The following ZBP1 variants were observed in gnomAD, a reference collection of about 807,000 sequenced individuals.
ZBP1 encodes the protein Z-DNA binding protein 1, also known as Z-DNA-binding protein 1.
In ZBP1, 42 loss-of-function variants were observed where a neutral mutation model predicts 41.1. That is an observed-to-expected ratio of 1.02 (90% CI 0.80 to 1.32). The LOEUF (loss-of-function observed/expected upper bound fraction) is 1.32. ZBP1 is among the 40% of genes most tolerant of loss of function. The probability of loss-of-function intolerance (pLI) is 0.00; values close to 1 mark genes in which losing one functional copy is unlikely to be tolerated. For synonymous variants in ZBP1, 214 were observed against 205.2 expected (o/e 1.04, Z -0.37); for missense variants, 562 against 549.7 (o/e 1.02, Z -0.22).
At chr20:57,616,060 C>A (rs983138869) in intron 2 of ZBP1, 184 bp downstream of exon 2, 7 of 640,606 alleles carry the variant, frequency 1.1e-5, no homozygotes, top group Middle Eastern at 2.5e-4. Context: ...CTCTCAGCAA[C>A]CCCTACCAAG....
rs116320696 is a variant in ZBP1 at position 57,610,420 on chromosome 20, G to A, written c.875-53C>T. 9.0e-5 allele frequency: 143 copies of A among 1,593,164 alleles called. No homozygotes were observed. The highest frequency in any genetic ancestry group is 5.8e-4 in the African/African-American group (43 of 74,486). ...AGCCAGGAGCAGCTGGACAGTGGCC[G>A]GGAACCCTGACCCCCAGCCTGGTTC... On this transcript the variant is annotated intron_variant, in intron 6 of 7. Coordinates refer to ENST00000371173, the MANE Select transcript of ZBP1 (RefSeq NM_030776.3). This position sits in a 1 kb window ranked among gnomAD's most constrained non-coding sequence, Gnocchi z 5.5.
At position 57,613,074 on chromosome 20, in the gene ZBP1, C is replaced by A; in HGVS notation, c.670+89G>T. ...TTCCCCTTGGAGGGCAGAATCCCCCCACTCCCCATCCCTACCCTTTGCCCC... is the reference window on the plus strand; with the variant it reads ...TTCCCCTTGGAGGGCAGAATCCCCCAACTCCCCATCCCTACCCTTTGCCCC... On this transcript the variant is annotated intron_variant, in intron 5 of 7. Coordinates refer to ENST00000371173, the MANE Select transcript of ZBP1 (RefSeq NM_030776.3). This position sits in a 1 kb window ranked among gnomAD's most constrained non-coding sequence, Gnocchi z 4.5. 6.4e-7 allele frequency: 1 copy of A among 1,569,382 alleles called. No individual in the cohort carries two copies. The highest frequency in any genetic ancestry group is 8.6e-7 in the Non-Finnish European group (1 of 1,156,452).
chr20:57,616,014 G>A lies in ZBP1; in HGVS notation c.259+230C>T, dbSNP rs1209568376. On this transcript the variant is annotated intron_variant, in intron 2 of 7. Transcript: ENST00000371173. ...GTTAGTGTTCTGCAGAGTACCTCCT[G>A]TGTGCAGGGCTGGGCTGAGCCTGAC... 5.9e-5 allele frequency: 35 copies of A among 594,692 alleles called. No homozygotes were observed. In the South Asian group the frequency reaches 6.9e-4, roughly 12 times the overall value. 36.8% of individuals were successfully genotyped at this position (594,692 alleles called of 1,614,324 possible).
rs920759008 is a variant in ZBP1 at position 57,604,839 on chromosome 20, T to C, written c.1094-70A>G. 3 of 1,439,988 alleles carry C rather than the reference T, an allele frequency of 2.1e-6. No homozygotes were observed. The Admixed American group carries it at 6.0e-5, about 29-fold the overall frequency. The allele number at this position is 1,439,988 out of a possible 1,614,324, so 89.2% of individuals were successfully genotyped here. ...TGGGCATTTCCACAGGGACCCGCTCTTGGAAGGATTTCGAGCTCAGCTTGA... is the reference window on the plus strand; with the variant it reads ...TGGGCATTTCCACAGGGACCCGCTCCTGGAAGGATTTCGAGCTCAGCTTGA... On this transcript the variant is annotated intron_variant, in intron 7 of 7. Transcript: ENST00000371173.
chr20:57,615,311 C>T (rs1461058850), intron 3 of ZBP1: 1 of 699,460 alleles, frequency 1.4e-6, no homozygotes, highest in South Asian at 1.8e-5. Context: ...TATTGTCTGA[C>T]TGGAGAAATC....
rs199769896 is a variant in ZBP1, at chr20:57,615,080, G to C, written c.329-20C>G. ...CTTCCTCTGGGAGGCAGGATGGCCA[G>C]GTGGTTAGGGAGTAGTCCTAGGGTT... On this transcript the variant is annotated intron_variant, in intron 3 of 7. Coordinates refer to ENST00000371173, the MANE Select transcript of ZBP1 (RefSeq NM_030776.3). 1 of 1,613,864 alleles carries C rather than the reference G, an allele frequency of 6.2e-7. No individual in the cohort carries two copies. Among genetic ancestry groups the C allele is most frequent in the African/African-American group, 1.3e-5 (1 of 75,048 alleles).
At position 57,610,628 on chromosome 20, in the gene ZBP1, C is replaced by T. The variant is rs1218666855; in HGVS notation, c.875-261G>A. 6 of 548,912 alleles carry T rather than the reference C, an allele frequency of 1.1e-5. No individual in the cohort carries two copies. The highest frequency in any genetic ancestry group is 6.3e-5 in the South Asian group (3 of 47,336). 34.0% of individuals were successfully genotyped at this position (548,912 alleles called of 1,614,324 possible). ...ACTGATCCCGCCCGGCTGATCTGGA[C>T]GTCAGTGTCTTCCTCTGGGATTCAG... On this transcript the variant is annotated intron_variant, in intron 6 of 7. Transcript: ENST00000371173. This position sits in a 1 kb window ranked among gnomAD's most constrained non-coding sequence, Gnocchi z 5.5.
At chr20:57,617,873 C>A in intron 1 of ZBP1, 1 of 147,474 alleles carries the variant, frequency 6.8e-6, no homozygotes, top group East Asian at 1.9e-4. Flanking sequence ...AAAAAAAGGA[C>A]TGAATGAGTG....
In ZBP1 at chr20:57,611,884, G is replaced by A; in HGVS notation, c.717C>T (p.Ser239=). Reference sequence around the variant, plus strand: ...GATCAACTAGGGTCCCCCAAGTTGAGGAATCACCTGGTGCCATTGAAGGGA... The same window carrying A: ...GATCAACTAGGGTCCCCCAAGTTGAAGAATCACCTGGTGCCATTGAAGGGA... ...RHLPSMAPGD[S]STWGTLVDPW... is the part of the protein sequence containing the mutation. Residue 239 remains serine (S), a synonymous_variant, in exon 6 of 8, where the codon TCC becomes TCT. Coordinates refer to ENST00000371173, the MANE Select transcript of ZBP1 (RefSeq NM_030776.3). The A allele has an allele frequency of 1.3e-6, 2 of 1,574,346 alleles. No individual in the cohort carries two copies. Among genetic ancestry groups the A allele is most frequent in the Non-Finnish European group, 1.7e-6 (2 of 1,159,328 alleles).
chr20:57,619,195 C>G (rs371336712), intron 1 of ZBP1, among the ~76,000 whole-genome samples: 2 of 152,154 alleles, frequency 1.3e-5, no homozygotes, highest in African/African-American at 2.4e-5. Context: ...GCGGTCAGCC[C>G]GGCTCCTGGG....
intron 1 of ZBP1, chr20:57,616,891 T>C (rs932365440): frequency 1.4e-5 from 3 of 210,868 alleles, no homozygotes; most frequent in African/African-American, 4.6e-5. Flanking sequence ...GTTTACCTGA[T>C]GCCCATCGCC....
chr20:57,611,411 A>ATTTTTTTTTTTTTTTTTTTTTT (rs3068061), intron 6 of ZBP1, among the ~76,000 whole-genome samples: 273 of 95,100 alleles, frequency 2.9e-3, no homozygotes, highest in Non-Finnish European at 3.9e-3. Context: ...TGCCCGGTTA[A>ATTTTTTTTTTTTTTTTTTTTTT]TTTTTTTTTT....
chr20:57,615,362 T>TGAACCCCAAAACAGTGC, intron 3 of ZBP1, 150 bp downstream of exon 3: 1 of 849,956 alleles, frequency 1.2e-6, no homozygotes. Flanking sequence ...GAGGGCTGGG[T>TGAACCCCAAAACAGTGC]CTTGGCTCTG....
At chr20:57,607,091 A>C in intron 7 of ZBP1, 1 of 1,304,078 alleles carries the variant, frequency 7.7e-7, no homozygotes, top group South Asian at 1.2e-5. Context: ...TTATGAGGGC[A>C]TAAGTGCAAC....
chr20:57,610,340 G>T lies in ZBP1; in HGVS notation c.902C>A (p.Ala301Asp). 1 of 1,614,190 alleles carries T rather than the reference G, an allele frequency of 6.2e-7. No individual in the cohort carries two copies. Among genetic ancestry groups the T allele is most frequent in the South Asian group, 1.1e-5 (1 of 91,084 alleles). ...PVSATAAGPE[A>D]SFEARIPSPG... ...ACTGGGAATTCTTGCTTCAAACGAA[G>T]CTTCTGGGCCGGCAGCAGTGGCAGA... The change falls in exon 7 of 8, where the codon GCT becomes GAT. Residue 301 changes from alanine to aspartate, a missense_variant. By Grantham distance (126) the Ala-to-Asp change is moderately radical. Transcript: ENST00000371173. This position sits in a 1 kb window ranked among gnomAD's most constrained non-coding sequence, Gnocchi z 5.5.
intron 7 of ZBP1, among the ~76,000 whole-genome samples, chr20:57,606,610 A>G (rs1652677457): frequency 6.6e-6 from 1 of 152,184 alleles, no homozygotes; most frequent in Non-Finnish European, 1.5e-5. Flanking sequence ...CAAAGGGGAC[A>G]GGCTCTCTTG....
chr20:57,615,412 C>T, intron 3 of ZBP1, 100 bp downstream of exon 3: 1 of 1,323,248 alleles, frequency 7.6e-7, no homozygotes, highest in South Asian at 1.2e-5. Flanking sequence ...GGACAGGGCC[C>T]CTGAACACTG....
intron 1 of ZBP1, among the ~76,000 whole-genome samples, chr20:57,618,490 A>T (rs1241306142): frequency 6.7e-6 from 1 of 149,624 alleles, no homozygotes. Flanking sequence ...GGGAATTCCC[A>T]CTCCTGCGCC....
intron 7 of ZBP1, among the ~76,000 whole-genome samples, chr20:57,606,806 G>A (rs561174268): frequency 1.6e-4 from 25 of 152,296 alleles, no homozygotes; most frequent in African/African-American, 6.0e-4. Context: ...CTAGCATTGA[G>A]ACTTACTGCT....
Sources: allele counts gnomAD v4.1 joint callset (sites outside exome capture counted in the v4.1 genomes callset), GRCh38; gene constraint gnomAD v4.1.1; non-coding constraint Gnocchi (gnomAD v3.1); transcripts MANE v1.5; gene names NCBI Gene and HGNC (gene_info 2026-07-23, HGNC 2026-07-21).